The following CTNND2 variants were observed in gnomAD, a reference collection of about 807,000 sequenced individuals.
CTNND2 encodes the protein catenin delta 2, also known as catenin delta-2.
A neutral mutation model predicts 144.4 loss-of-function variants in CTNND2; 22 were observed. That is an observed-to-expected ratio of 0.15 (90% confidence interval 0.11 to 0.22). The LOEUF is 0.22. Ranked by LOEUF, CTNND2 falls within the 10% of genes least tolerant of loss-of-function variation. The pLI is 1.00. For missense variants in CTNND2, 1,353 were observed against 1,618.8 expected (o/e 0.84, Z 2.82); for synonymous variants, 751 against 695.6 (o/e 1.08, Z -1.25).
chr5:11,650,389 G>A (rs1782587837), intron 2 of CTNND2, among the ~76,000 whole-genome samples: 1 of 152,116 alleles, frequency 6.6e-6, no homozygotes, highest in African/African-American at 2.4e-5. Context: ...CACAATCTCA[G>A]TAGTCCTTTA....
rs777970770 is a variant in CTNND2 at position 11,384,650 on chromosome 5, G to A, written c.1177+15C>T. On this transcript the variant is annotated intron_variant, in intron 7 of 21. Transcript: ENST00000304623. The surrounding 1 kb of genome is among the most constrained non-coding windows in gnomAD (Gnocchi z 5.2). ...GCGCCCAGGTGAGTCGCGCCAGGTG[G>A]CAGCGAGCCTTTACCTGCCAGGCTG... The A allele has an allele frequency of 1.3e-5, 20 of 1,589,770 alleles. No individual in the cohort carries two copies. Among genetic ancestry groups the A allele is most frequent in the Middle Eastern group, 2.2e-4 (1 of 4,520 alleles).
chr5:11,844,718 C>T (rs1794651194), intron 1 of CTNND2, among the ~76,000 whole-genome samples: 1 of 152,124 alleles, frequency 6.6e-6, no homozygotes, highest in Non-Finnish European at 1.5e-5. Context: ...TTTTGATGAA[C>T]TGATTTTTAA....
At chr5:11,440,675 G>T (rs1174005215) in intron 3 of CTNND2, among the ~76,000 whole-genome samples, 1 of 152,120 alleles carries the variant, frequency 6.6e-6, no homozygotes. Context: ...TAAAATATAT[G>T]TATCAGTGTT....
chr5:11,435,378 G>A (rs1384780951), intron 3 of CTNND2, among the ~76,000 whole-genome samples: 1 of 151,802 alleles, frequency 6.6e-6, no homozygotes, highest in Non-Finnish European at 1.5e-5. Context: ...TCCTGACCTC[G>A]TGATCCGCCC....
At chr5:11,192,201 G>C (rs910484788) in intron 11 of CTNND2, among the ~76,000 whole-genome samples, 1 of 152,150 alleles carries the variant, frequency 6.6e-6, no homozygotes. Context: ...CCTTCGAGTG[G>C]GAAATGCATC....
intron 2 of CTNND2, among the ~76,000 whole-genome samples, chr5:11,598,414 A>G (rs1027318181): frequency 6.6e-6 from 1 of 152,120 alleles, no homozygotes; most frequent in African/African-American, 2.4e-5. Context: ...GGGGTCTCCT[A>G]CCCAGTAATC....
chr5:11,122,804 G>A lies in CTNND2; in HGVS notation c.2160-5237C>T, dbSNP rs145870081. Among the ~76,000 whole-genome samples, 1,222 of 152,016 alleles carry A rather than the reference G, an allele frequency of 8.0e-3. 5 individuals are homozygous for A. The highest frequency in any genetic ancestry group is 0.012 in the Non-Finnish European group (822 of 67,978). Reference sequence around the variant, plus strand: ...GTGATACAGAGAGTCCCAAGGCACCGTCCCGTCGAAAAATGAAGTCACATA... The same window carrying A: ...GTGATACAGAGAGTCCCAAGGCACCATCCCGTCGAAAAATGAAGTCACATA... On this transcript the variant is annotated intron_variant, in intron 12 of 21. Transcript: ENST00000304623.
chr5:11,271,082 C>G (rs1018986727), intron 9 of CTNND2, among the ~76,000 whole-genome samples: 6 of 152,120 alleles, frequency 3.9e-5, no homozygotes, highest in African/African-American at 1.4e-4. Context: ...TTCACATACA[C>G]CCAACACACA....
Position 11,112,510 on chromosome 5 carries a change from C to T in CTNND2, c.2278-1467G>A, listed in dbSNP as rs148616749. ...ATTTTAATTTTATCCCAGTGAGACC[C>T]ACTTCAGACTGCTGGTCTCTAGAGC... On this transcript the variant is annotated intron_variant, in intron 13 of 21. Coordinates refer to ENST00000304623, the MANE Select transcript of CTNND2 (RefSeq NM_001332.4). Among the ~76,000 whole-genome samples, 95 of 152,318 alleles carry T rather than the reference C, an allele frequency of 6.2e-4. 1 individual carries two copies. Among genetic ancestry groups the T allele is most frequent in the African/African-American group, 2.2e-3 (91 of 41,564 alleles).
chr5:11,147,838 C>T lies in CTNND2; in HGVS notation c.2159+11738G>A, dbSNP rs537690749. ...GATACAGAGTTACCATACAATCCAT[C>T]AATTCTGCTTCTAGGTATATACCCA... On this transcript the variant is annotated intron_variant, in intron 12 of 21. Coordinates refer to ENST00000304623, the MANE Select transcript of CTNND2 (RefSeq NM_001332.4). Among the ~76,000 whole-genome samples the T allele has an allele frequency of 5.9e-5, 9 of 152,284 alleles. No individual in the cohort carries two copies. The South Asian group carries it at 1.0e-3, about 18-fold the overall frequency.
chr5:11,187,184 A>G (rs1437227595), intron 11 of CTNND2, among the ~76,000 whole-genome samples: 1 of 152,208 alleles, frequency 6.6e-6, no homozygotes. Flanking sequence ...TTACCCATAT[A>G]TAAATGTTAG....
intron 1 of CTNND2, among the ~76,000 whole-genome samples, chr5:11,898,168 AATT>A (rs1157626535): frequency 2.4e-4 from 37 of 152,154 alleles, no homozygotes; most frequent in Admixed American, 2.4e-3. Context: ...CATGGCAGCC[AATT>A]ATTTATCTTT....
intron 10 of CTNND2, among the ~76,000 whole-genome samples, chr5:11,218,882 G>T (rs965184327): frequency 3.3e-5 from 5 of 152,276 alleles, no homozygotes; most frequent in Middle Eastern, 3.4e-3. Context: ...TTCTGGCAGA[G>T]AGGCACTCAG....
At chr5:11,372,966 G>C (rs1010738285) in intron 7 of CTNND2, among the ~76,000 whole-genome samples, 14 of 152,192 alleles carry the variant, frequency 9.2e-5, no homozygotes, top group African/African-American at 3.4e-4. Context: ...ACTGTGCCCA[G>C]CACTCCTGCT....
chr5:11,350,786 A>G (rs933030907), intron 8 of CTNND2, among the ~76,000 whole-genome samples: 2 of 152,244 alleles, frequency 1.3e-5, no homozygotes, highest in African/African-American at 2.4e-5. Context: ...TGAGAATCTA[A>G]TGGATCTCAA....
At chr5:11,209,893 G>T (rs1050812776) in intron 10 of CTNND2, among the ~76,000 whole-genome samples, 2 of 152,148 alleles carry the variant, frequency 1.3e-5, no homozygotes, top group Admixed American at 6.5e-5. Context: ...CTGCACTCCA[G>T]CCTGGGAGAC....
chr5:11,819,049 G>A (rs1469411910), intron 1 of CTNND2, among the ~76,000 whole-genome samples: 1 of 152,132 alleles, frequency 6.6e-6, no homozygotes, highest in Non-Finnish European at 1.5e-5. Context: ...CAGGGGCTGT[G>A]CACTGCTCCT....
intron 7 of CTNND2, among the ~76,000 whole-genome samples, chr5:11,381,283 G>A (rs558231833): frequency 8.6e-5 from 13 of 152,032 alleles, no homozygotes; most frequent in Non-Finnish European, 1.5e-4. Context: ...AATGGCAGCC[G>A]AAGTAACCCT....
At chr5:11,678,893 C>G (rs1784301419) in intron 2 of CTNND2, among the ~76,000 whole-genome samples, 1 of 151,798 alleles carries the variant, frequency 6.6e-6, no homozygotes, top group African/African-American at 2.4e-5. Flanking sequence ...CTTTTGCCAC[C>G]CACTCCACAT....
Sources: gnomAD v4.1 joint callset for allele counts (sites outside exome capture counted in the v4.1 genomes callset) on GRCh38, gnomAD v4.1.1 for gene constraint, Gnocchi (gnomAD v3.1) non-coding constraint, MANE v1.5 for transcripts, NCBI Gene and HGNC (gene_info 2026-07-23, HGNC 2026-07-21) for gene names.